Variants in CCDC85C observed in about 807,000 individuals in gnomAD.
CCDC85C encodes the protein coiled-coil domain containing 85C.
CCDC85C carries 18 observed loss-of-function variants against 38.3 expected under a neutral mutation model. The ratio of observed to expected loss-of-function variants is 0.47; its 90% CI spans 0.33 to 0.70. The LOEUF (loss-of-function observed/expected upper bound fraction) is 0.70, where lower values mean the gene tolerates loss of function less well. CCDC85C is among the 30% of genes least tolerant of loss of function. The pLI, the probability that CCDC85C is intolerant of heterozygous loss-of-function variation, is 0.03. For missense variants in CCDC85C, 566 were observed against 621.2 expected (o/e 0.91, Z 0.94); for synonymous variants, 264 against 293.8 (o/e 0.90, Z 1.04).
intron 1 of CCDC85C, among the ~76,000 whole-genome samples, chr14:99,592,443 C>A (rs1020440617): frequency 2.0e-5 from 3 of 152,222 alleles, no homozygotes; most frequent in Admixed American, 2.0e-4. Context: ...ACTGCTCAGC[C>A]CAGCCCAGGG....
At chr14:99,524,920 A>G (rs138327240) in intron 2 of CCDC85C, among the ~76,000 whole-genome samples, 2,220 of 152,270 alleles carry the variant, frequency 0.015, 50 homozygotes, top group African/African-American at 0.051. Flanking sequence ...GGGATCTTAC[A>G]CACAGAGCTG....
At chr14:99,518,516 C>T (rs1247105013) in intron 3 of CCDC85C, among the ~76,000 whole-genome samples, 2 of 152,046 alleles carry the variant, frequency 1.3e-5, no homozygotes. Context: ...TGTTGGGTCT[C>T]TGTAGTGTAG....
chr14:99,586,509 G>C lies in CCDC85C; in HGVS notation c.793+16658C>G, dbSNP rs891960842. Among the ~76,000 whole-genome samples the C allele has an allele frequency of 8.5e-5, 13 of 152,348 alleles. No individual in the cohort carries two copies. The East Asian group carries it at 2.3e-3, about 27-fold the overall frequency. ...CTAGGGAACCCACTAGAATATGCTA[G>C]AGTGGGGGCATGGATAGGGTGCATG... On this transcript the variant is annotated intron_variant, in intron 1 of 5. Coordinates refer to ENST00000380243, the MANE Select transcript of CCDC85C (RefSeq NM_001144995.2).
chr14:99,587,758 A>C lies in CCDC85C; in HGVS notation c.793+15409T>G, dbSNP rs577432219. 6.7e-4 allele frequency among the ~76,000 whole-genome samples: 102 copies of C among 152,064 alleles called. No homozygotes were observed. In the Middle Eastern group the frequency reaches 0.01, roughly 15 times the overall value. ...CCCCCGTACAGTCATGCGCCTGAGG[A>C]CCCCTGTGCCCCCTTACTGCACGGG... is the stretch of plus-strand genomic sequence containing the variant. On this transcript the variant is annotated intron_variant, in intron 1 of 5. Transcript: ENST00000380243.
rs2055049975 is a variant in CCDC85C at position 99,588,437 on chromosome 14, A to G, written c.793+14730T>C. 6.6e-6 allele frequency among the ~76,000 whole-genome samples: 1 copy of G among 152,098 alleles called. No individual in the cohort carries two copies. Among genetic ancestry groups the G allele is most frequent in the Non-Finnish European group, 1.5e-5 (1 of 68,022 alleles). On this transcript the variant is annotated intron_variant, in intron 1 of 5. Coordinates refer to ENST00000380243, the MANE Select transcript of CCDC85C (RefSeq NM_001144995.2). The surrounding 1 kb of genome is among the most constrained non-coding windows in gnomAD (Gnocchi z 5.0). ...CCAGTCAATGCCTGTATATTTACCC[A>G]GAGAAAAGAGAGCCCACGGACCCAT...
In CCDC85C at chr14:99,535,320, A is replaced by G. The variant is rs1897573648; in HGVS notation, c.867+695T>C. 1.3e-5 allele frequency among the ~76,000 whole-genome samples: 2 copies of G among 152,280 alleles called. No individual in the cohort carries two copies. Among genetic ancestry groups the G allele is most frequent in the Admixed American group, 1.3e-4 (2 of 15,304 alleles). ...GAGGGCTCGGAGGCTTGGGGGAGCG[A>G]GCGGCTTGAGAGGTCGCCAAGCCAG... On this transcript the variant is annotated intron_variant, in intron 2 of 5. Coordinates refer to ENST00000380243, the MANE Select transcript of CCDC85C (RefSeq NM_001144995.2). This position sits in a 1 kb window ranked among gnomAD's most constrained non-coding sequence, Gnocchi z 5.5.
chr14:99,562,444 G>A (rs1335284773), intron 1 of CCDC85C, among the ~76,000 whole-genome samples: 4 of 152,216 alleles, frequency 2.6e-5, no homozygotes, highest in Non-Finnish European at 5.9e-5. Context: ...GGCACATGGT[G>A]CATGAGATGG....
At chr14:99,568,980 G>A (rs1898280031) in intron 1 of CCDC85C, among the ~76,000 whole-genome samples, 1 of 152,052 alleles carries the variant, frequency 6.6e-6, no homozygotes, top group African/African-American at 2.4e-5. Context: ...CTCCTGGGAG[G>A]GCTGGCGCCT....
intron 1 of CCDC85C, among the ~76,000 whole-genome samples, chr14:99,578,260 G>T (rs1459843071): frequency 6.8e-6 from 1 of 147,508 alleles, no homozygotes; most frequent in Non-Finnish European, 1.5e-5. Flanking sequence ...GTGTGTGTGT[G>T]AGTGTACACC....
chr14:99,523,230 G>A (rs1475068003), intron 2 of CCDC85C, among the ~76,000 whole-genome samples: 4 of 152,234 alleles, frequency 2.6e-5, no homozygotes, highest in African/African-American at 9.7e-5. Context: ...AAGGAAGGCA[G>A]GACAGGCTGC....
At position 99,503,183 on chromosome 14, in the gene CCDC85C, AG is replaced by A; in HGVS notation, c.*12062del. 1.4e-6 allele frequency: 1 copy of A among 721,462 alleles called. No individual in the cohort carries two copies. Among genetic ancestry groups the A allele is most frequent in the Non-Finnish European group, 2.5e-6 (1 of 404,980 alleles). 44.7% of individuals were successfully genotyped at this position (721,462 alleles called of 1,614,324 possible). ...GGACAGGCTGCCTCTGAGAACCAGG[AG>A]GGGGCTCTCTGCCCGGCTCCAGCCC... On this transcript the variant is annotated 3_prime_UTR_variant, in exon 6 of 6. Transcript: ENST00000380243.
chr14:99,561,268 G>C (rs1220421694), intron 1 of CCDC85C, among the ~76,000 whole-genome samples: 1 of 152,216 alleles, frequency 6.6e-6, no homozygotes, highest in East Asian at 1.9e-4. Flanking sequence ...GTCAGGCAGG[G>C]AGACCCAGTG....
chr14:99,536,232 CG>C, intron 1 of CCDC85C, 144 bp from the exon 2 acceptor site: 2 of 675,134 alleles, frequency 3.0e-6, no homozygotes, highest in Non-Finnish European at 5.4e-6. Context: ...CCAGCCCCTC[CG>C]AGCCCTCGCC....
rs1348516208 is a variant in CCDC85C, at chr14:99,512,275, G to T, written c.*2971C>A. 6.6e-6 allele frequency: 1 copy of T among 152,078 alleles called. No individual in the cohort carries two copies. The highest frequency in any genetic ancestry group is 1.5e-5 in the Non-Finnish European group (1 of 68,016). 9.4% of individuals were successfully genotyped at this position (152,078 alleles called of 1,614,324 possible). ...GGAAGGGGTGGCTCCAGGTCTCACT[G>T]TGGCACCTTCTACAGAAAATAGACG... On this transcript the variant is annotated 3_prime_UTR_variant, in exon 6 of 6. Coordinates refer to ENST00000380243, the MANE Select transcript of CCDC85C (RefSeq NM_001144995.2).
At chr14:99,595,210 G>T (rs537564367) in intron 1 of CCDC85C, among the ~76,000 whole-genome samples, 216 of 152,258 alleles carry the variant, frequency 1.4e-3, no homozygotes, top group Middle Eastern at 6.8e-3. Context: ...CCCACCGCAT[G>T]ACTTTGCTCG....
chr14:99,537,991 A>C (rs1481102064), intron 1 of CCDC85C, among the ~76,000 whole-genome samples: 1 of 152,050 alleles, frequency 6.6e-6, no homozygotes, highest in African/African-American at 2.4e-5. Context: ...AACTCCAGAG[A>C]CCCTTCCGGC....
rs114710087 is a variant in CCDC85C, at chr14:99,545,568, A to G, written c.794-9480T>C. Among the ~76,000 whole-genome samples, 145 of 152,190 alleles carry G rather than the reference A, an allele frequency of 9.5e-4. No homozygotes were observed. The highest frequency in any genetic ancestry group is 3.4e-3 in the African/African-American group (141 of 41,510). On this transcript the variant is annotated intron_variant, in intron 1 of 5. Coordinates refer to ENST00000380243, the MANE Select transcript of CCDC85C (RefSeq NM_001144995.2). This position sits in a 1 kb window ranked among gnomAD's most constrained non-coding sequence, Gnocchi z 4.7. Reference sequence around the variant, plus strand: ...CTGGAAATTGACCTGTGTGTGTGAGACGGTGGTGCAGGTGTCGGCACTGTT... The same window carrying G: ...CTGGAAATTGACCTGTGTGTGTGAGGCGGTGGTGCAGGTGTCGGCACTGTT...
rs917628002 is a variant in CCDC85C, at chr14:99,506,929, C to T, written c.*8317G>A. The T allele has an allele frequency of 8.9e-6, 6 of 676,246 alleles. No individual in the cohort carries two copies. The highest frequency in any genetic ancestry group is 5.3e-5 in the African/African-American group (3 of 56,264). 41.9% of individuals were successfully genotyped at this position (676,246 alleles called of 1,614,324 possible). On this transcript the variant is annotated 3_prime_UTR_variant, in exon 6 of 6. Coordinates refer to ENST00000380243, the MANE Select transcript of CCDC85C (RefSeq NM_001144995.2). ...ACAGGATTCATGCATAATGGTTTAG[C>T]TGAAACCTTCTTCAAGTTCCCTTAA...
chr14:99,565,689 G>T (rs1038615998), intron 1 of CCDC85C, among the ~76,000 whole-genome samples: 1 of 152,154 alleles, frequency 6.6e-6, no homozygotes, highest in Non-Finnish European at 1.5e-5. Context: ...ACAGAAGCCC[G>T]GGAGGACACC....
Sources: allele counts gnomAD v4.1 joint callset (sites outside exome capture counted in the v4.1 genomes callset), GRCh38; gene constraint gnomAD v4.1.1; non-coding constraint Gnocchi (gnomAD v3.1); transcripts MANE v1.5; gene names NCBI Gene and HGNC (gene_info 2026-07-23, HGNC 2026-07-21).